Variants in MFHAS1 observed in about 807,000 individuals in gnomAD.
MFHAS1 encodes the protein malignant fibrous histiocytoma-amplified sequence 1.
Under a neutral mutation model 70.4 loss-of-function variants are expected in MFHAS1, and 50 were observed. The ratio of observed to expected loss-of-function variants is 0.71; its 90% CI spans 0.57 to 0.90. MFHAS1 has a LOEUF of 0.90. MFHAS1 is among the 40% of genes least tolerant of loss of function. The pLI, the probability that MFHAS1 is intolerant of heterozygous loss-of-function variation, is 0.00. For synonymous variants in MFHAS1, 952 were observed against 620.0 expected, an observed-to-expected ratio of 1.54 and a Z score of -7.96; for missense variants, 1,795 against 1,347.6, an observed-to-expected ratio of 1.33 and a Z score of -5.20.
At chr8:8,857,821 G>A (rs572084145) in intron 1 of MFHAS1, among the ~76,000 whole-genome samples, 1 of 152,116 alleles carries the variant, frequency 6.6e-6, no homozygotes, top group African/African-American at 2.4e-5. Flanking sequence ...CTGTCCTACA[G>A]TGACATTGAC....
chr8:8,825,108 T>G (rs1051863224), intron 1 of MFHAS1, among the ~76,000 whole-genome samples: 1 of 152,234 alleles, frequency 6.6e-6, no homozygotes, highest in Non-Finnish European at 1.5e-5. Flanking sequence ...GACAGAAGAC[T>G]GCATCAGCTT....
intron 1 of MFHAS1, among the ~76,000 whole-genome samples, chr8:8,825,169 G>A (rs1378023087): frequency 6.6e-6 from 1 of 152,108 alleles, no homozygotes; most frequent in Non-Finnish European, 1.5e-5. Flanking sequence ...TAAAGAAAAG[G>A]GTTGCGGTTT....
In MFHAS1 at chr8:8,884,990, C is replaced by A. The variant is rs559429265; in HGVS notation, c.2998+5071G>T. 5.3e-5 allele frequency among the ~76,000 whole-genome samples: 8 copies of A among 151,400 alleles called. No individual in the cohort carries two copies. In the East Asian group the frequency reaches 1.6e-3, roughly 29 times the overall value. Reference sequence around the variant, plus strand: ...AAAAAAGTTATTTCTCACAAAAAGACCAAACTATCATTCAGCAAACATCTG... The same window carrying A: ...AAAAAAGTTATTTCTCACAAAAAGAACAAACTATCATTCAGCAAACATCTG... On this transcript the variant is annotated intron_variant, in intron 1 of 2. Coordinates refer to ENST00000276282, the MANE Select transcript of MFHAS1 (RefSeq NM_004225.3).
chr8:8,848,060 C>A (rs1318092541), intron 1 of MFHAS1, among the ~76,000 whole-genome samples: 2 of 152,240 alleles, frequency 1.3e-5, no homozygotes, highest in Non-Finnish European at 2.9e-5. Context: ...AGCCTAGACA[C>A]TGGGTTGCAA....
In MFHAS1 at chr8:8,892,918, C is replaced by T; in HGVS notation, c.141G>A (p.Ala47=). The T allele has an allele frequency of 1.9e-6, 3 of 1,556,716 alleles. No individual in the cohort carries two copies. The highest frequency in any genetic ancestry group is 1.8e-4 in the Middle Eastern group (1 of 5,544). Residue 47 remains alanine (A), a synonymous_variant, in exon 1 of 3, where the codon GCG becomes GCA. Coordinates refer to ENST00000276282, the MANE Select transcript of MFHAS1 (RefSeq NM_004225.3). This position sits in a 1 kb window ranked among gnomAD's most constrained non-coding sequence, Gnocchi z 4.7. The part of the protein sequence containing the change: ...AGACPGAGAD[A]LESPASPQLV... ...GCTGGGGGGAGGCGGGGGACTCGAGCGCGTCGGCCCCGGCCCCGGGGCAGG... is the reference window on the plus strand; with the variant it reads ...GCTGGGGGGAGGCGGGGGACTCGAGTGCGTCGGCCCCGGCCCCGGGGCAGG...
chr8:8,867,672 C>G (rs1453413463), intron 1 of MFHAS1, among the ~76,000 whole-genome samples: 1 of 151,962 alleles, frequency 6.6e-6, no homozygotes. Flanking sequence ...ATTCTCCTGC[C>G]TCAGCCTCCC....
intron 1 of MFHAS1, among the ~76,000 whole-genome samples, chr8:8,850,250 G>C (rs1232604056): frequency 6.6e-6 from 1 of 152,308 alleles, no homozygotes; most frequent in South Asian, 2.1e-4. Flanking sequence ...AATGTTAACA[G>C]TTAAAGTTCT....
At chr8:8,788,868 G>A (rs1326782293) in intron 2 of MFHAS1, among the ~76,000 whole-genome samples, 4 of 152,122 alleles carry the variant, frequency 2.6e-5, no homozygotes, top group Admixed American at 6.5e-5. Flanking sequence ...GGCCCACCAC[G>A]GCTGACCTCC....
At chr8:8,841,184 T>C (rs1585045929) in intron 1 of MFHAS1, among the ~76,000 whole-genome samples, 1 of 152,312 alleles carries the variant, frequency 6.6e-6, no homozygotes, top group East Asian at 1.9e-4. Flanking sequence ...ACTTCAAGAC[T>C]TCTTTTTGGG....
intron 1 of MFHAS1, among the ~76,000 whole-genome samples, chr8:8,809,536 C>G (rs1188466172): frequency 6.6e-6 from 1 of 152,188 alleles, no homozygotes; most frequent in Non-Finnish European, 1.5e-5. Context: ...TCACTCGTCC[C>G]ACCACGCCTC....
chr8:8,840,462 A>C (rs74941927), intron 1 of MFHAS1, among the ~76,000 whole-genome samples: 1 of 70,238 alleles, frequency 1.4e-5, no homozygotes, highest in Non-Finnish European at 2.8e-5. Flanking sequence ...ATCTCAATAC[A>C]AAAAAAAAAA....
intron 1 of MFHAS1, among the ~76,000 whole-genome samples, chr8:8,837,874 C>G (rs928633059): frequency 6.6e-6 from 1 of 152,144 alleles, no homozygotes; most frequent in Non-Finnish European, 1.5e-5. Context: ...TATGACTGCT[C>G]AGTAAAATCA....
At chr8:8,813,728 A>C (rs548569598) in intron 1 of MFHAS1, among the ~76,000 whole-genome samples, 1 of 152,204 alleles carries the variant, frequency 6.6e-6, no homozygotes, top group Non-Finnish European at 1.5e-5. Flanking sequence ...TATAAAGTAA[A>C]AAAGTTACAG....
chr8:8,821,134 C>T lies in MFHAS1; in HGVS notation c.2999-23643G>A, dbSNP rs4840363. 7.9e-5 allele frequency among the ~76,000 whole-genome samples: 12 copies of T among 152,146 alleles called. No homozygotes were observed. In the East Asian group the frequency reaches 1.4e-3, roughly 17 times the overall value. On this transcript the variant is annotated intron_variant, in intron 1 of 2. Coordinates refer to ENST00000276282, the MANE Select transcript of MFHAS1 (RefSeq NM_004225.3). ...CTGCAGGTCCAACGGCCACTCCCTG[C>T]GAGTCCTTGGGTGTCAGAGGGAGCA... is the stretch of plus-strand genomic sequence containing the variant.
At position 8,892,070 on chromosome 8, in the gene MFHAS1, C is replaced by G; in HGVS notation, c.989G>C (p.Arg330Pro). ...GATGGAGTCCGGCAGGTAGCGGATG[C>G]GGTTATTATCCAGCCACAAGGTGAG... ...RLLTLWLDNN[R>P]IRYLPDSIVE... is the part of the protein sequence containing the mutation. Residue 330 changes from arginine to proline, a missense_variant, in exon 1 of 3, where the codon CGC becomes CCC. Arg to Pro is a moderately radical substitution (Grantham distance 103, BLOSUM62 -2). Coordinates refer to ENST00000276282, the MANE Select transcript of MFHAS1 (RefSeq NM_004225.3). This position sits in a 1 kb window ranked among gnomAD's most constrained non-coding sequence, Gnocchi z 4.7. 1 of 1,613,168 alleles carries G rather than the reference C, an allele frequency of 6.2e-7. No individual in the cohort carries two copies. Among genetic ancestry groups the G allele is most frequent in the African/African-American group, 1.3e-5 (1 of 74,992 alleles).
intron 1 of MFHAS1, among the ~76,000 whole-genome samples, chr8:8,850,843 C>A (rs942185888): frequency 1.1e-4 from 16 of 151,604 alleles, no homozygotes; most frequent in African/African-American, 3.6e-4. Context: ...AATCAGAACA[C>A]CCAGAAAGAT....
intron 1 of MFHAS1, among the ~76,000 whole-genome samples, chr8:8,804,269 C>T (rs1372900860): frequency 6.6e-6 from 1 of 152,182 alleles, no homozygotes; most frequent in African/African-American, 2.4e-5. Flanking sequence ...ATCTCTGCAA[C>T]TCTTCAAAAT....
chr8:8,814,316 C>T (rs551152227), intron 1 of MFHAS1, among the ~76,000 whole-genome samples: 8 of 152,144 alleles, frequency 5.3e-5, no homozygotes, highest in Non-Finnish European at 8.8e-5. Context: ...ATCGTTGTTA[C>T]AATGGTCACA....
chr8:8,794,873 C>T (rs900711555), intron 2 of MFHAS1, among the ~76,000 whole-genome samples: 1 of 152,176 alleles, frequency 6.6e-6, no homozygotes, highest in African/African-American at 2.4e-5. Context: ...CTTGTTCGTT[C>T]AGGTTCAATA....
Sources: allele counts gnomAD v4.1 joint callset (sites outside exome capture counted in the v4.1 genomes callset), GRCh38; gene constraint gnomAD v4.1.1; non-coding constraint Gnocchi (gnomAD v3.1); transcripts MANE v1.5; gene names NCBI Gene and HGNC (gene_info 2026-07-23, HGNC 2026-07-21).